The following CRCP variants were observed in gnomAD, a reference collection of about 807,000 sequenced individuals.
The protein encoded by CRCP is DNA-directed RNA polymerase III subunit RPC9.
CRCP carries 18 observed loss-of-function variants against 18.5 expected under a neutral mutation model. The observed-to-expected ratio is 0.97, with a 90% CI of 0.67 to 1.44. CRCP has a LOEUF of 1.44. CRCP is among the 40% of genes most tolerant of loss of function. CRCP has a pLI of 0.00. For synonymous variants in CRCP, 53 were observed against 62.9 expected (o/e 0.84, Z 0.75); for missense variants, 130 against 176.4 (o/e 0.74, Z 1.49).
intron 1 of CRCP, 56 bp from the exon 2 acceptor site, chr7:66,127,648 G>T: frequency 1.3e-6 from 2 of 1,593,356 alleles, no homozygotes; most frequent in Non-Finnish European, 1.7e-6. Context: ...TACAGAATTT[G>T]ATACCCAGAA....
intron 1 of CRCP, among the ~76,000 whole-genome samples, chr7:66,117,029 G>T (rs1787286902): frequency 6.6e-6 from 1 of 151,076 alleles, no homozygotes. Flanking sequence ...GCTGAGGCAG[G>T]AGAATCGCTT....
chr7:66,115,101 C>T (rs1373668897), intron 1 of CRCP, 131 bp downstream of exon 1: 2 of 1,325,362 alleles, frequency 1.5e-6, no homozygotes, highest in Non-Finnish European at 2.1e-6. Flanking sequence ...CGGCCCTGTC[C>T]GGGAGGGCCG....
intron 1 of CRCP, among the ~76,000 whole-genome samples, chr7:66,121,924 A>G (rs1383161405): frequency 2.0e-5 from 3 of 152,346 alleles, no homozygotes; most frequent in African/African-American, 4.8e-5. Flanking sequence ...AGAGAATGCT[A>G]CAAGTTAAGT....
At position 66,148,849 on chromosome 7, in the gene CRCP, TG is replaced by T. The variant is rs531385948; in HGVS notation, c.297+3350del. Reference sequence around the variant, plus strand: ...AACACTGTTACATGTGTTCTCCTTTTGTCCTCGCTGTAGGCGTTACTTTCAT... The same window carrying T: ...AACACTGTTACATGTGTTCTCCTTTTTCCTCGCTGTAGGCGTTACTTTCAT... On this transcript the variant is annotated intron_variant, in intron 5 of 5. Coordinates refer to ENST00000395326, the MANE Select transcript of CRCP (RefSeq NM_014478.5). 4.6e-5 allele frequency among the ~76,000 whole-genome samples: 7 copies of T among 152,384 alleles called. No homozygotes were observed. In the South Asian group the frequency reaches 1.4e-3, roughly 32 times the overall value.
intron 3 of CRCP, among the ~76,000 whole-genome samples, chr7:66,132,623 A>G (rs1418013596): frequency 6.6e-6 from 1 of 152,166 alleles, no homozygotes; most frequent in Non-Finnish European, 1.5e-5. Flanking sequence ...ACATTATGTT[A>G]GAAAGGATTT....
intron 5 of CRCP, among the ~76,000 whole-genome samples, chr7:66,149,610 T>A (rs1182709674): frequency 6.6e-6 from 1 of 152,230 alleles, no homozygotes; most frequent in East Asian, 1.9e-4. Flanking sequence ...CCGGAGCTTT[T>A]ATCAACATCC....
chr7:66,124,956 G>T lies in CRCP; in HGVS notation c.9-2748G>T, dbSNP rs143080521. 7.8e-3 allele frequency among the ~76,000 whole-genome samples: 1,159 copies of T among 149,404 alleles called. 44 individuals carry two copies. Among genetic ancestry groups the T allele is most frequent in the African/African-American group, 0.026 (1,088 of 41,360 alleles). ...AGGATCCAGTGAAGAACTACACATTGCATTTAGTTGTCATGTTTCTTTAAT... is the reference window on the plus strand; with the variant it reads ...AGGATCCAGTGAAGAACTACACATTTCATTTAGTTGTCATGTTTCTTTAAT... On this transcript the variant is annotated intron_variant, in intron 1 of 5. Transcript: ENST00000395326.
intron 5 of CRCP, among the ~76,000 whole-genome samples, chr7:66,146,142 C>T (rs1225438009): frequency 6.6e-6 from 1 of 152,178 alleles, no homozygotes. Flanking sequence ...TCCCCAAGTC[C>T]ATCTCCCACA....
At chr7:66,152,163 G>GTAAGTT in intron 5 of CRCP, 45 bp from the exon 6 acceptor site, 1 of 1,610,856 alleles carries the variant, frequency 6.2e-7, no homozygotes, top group Non-Finnish European at 8.5e-7. Flanking sequence ...GCCCAAGGCT[G>GTAAGTT]TAAGTTTCAT....
intron 2 of CRCP, among the ~76,000 whole-genome samples, chr7:66,128,301 A>C (rs1787677318): frequency 1.3e-5 from 2 of 152,164 alleles, no homozygotes; most frequent in Admixed American, 6.6e-5. Context: ...AACCTTCTCT[A>C]AATCTCAACG....
intron 2 of CRCP, among the ~76,000 whole-genome samples, chr7:66,128,474 A>C (rs1015170502): frequency 2.0e-5 from 3 of 152,194 alleles, no homozygotes; most frequent in Non-Finnish European, 2.9e-5. Flanking sequence ...AAATAGTCTT[A>C]TGGGTATTAA....
intron 1 of CRCP, among the ~76,000 whole-genome samples, chr7:66,122,655 C>T (rs916676372): frequency 3.3e-5 from 5 of 151,460 alleles, no homozygotes; most frequent in African/African-American, 1.2e-4. Context: ...TTTTTTTACT[C>T]AAGCATTGCT....
chr7:66,122,374 C>CA (rs939428601), intron 1 of CRCP, among the ~76,000 whole-genome samples: 1,817 of 57,118 alleles, frequency 0.032, 51 homozygotes, highest in African/African-American at 0.069. Context: ...GACTCCGTCT[C>CA]AAAAAAAAAA....
At position 66,127,690 on chromosome 7, in the gene CRCP, C is replaced by G. The variant is rs750096649; in HGVS notation, c.9-14C>G. 6.8e-6 allele frequency: 11 copies of G among 1,614,072 alleles called. No individual in the cohort carries two copies. The South Asian group carries it at 1.1e-4, about 16-fold the overall frequency. ...GTGAGCCCAGACTGATGATAGCTTA[C>G]TTTTCTTTTTCAGGAAGGATGCCAA... On this transcript the variant is annotated splice_polypyrimidine_tract_variant and intron_variant, in intron 1 of 5. Transcript: ENST00000395326.
At chr7:66,147,953 A>G (rs1444375579) in intron 5 of CRCP, among the ~76,000 whole-genome samples, 1 of 152,084 alleles carries the variant, frequency 6.6e-6, no homozygotes, top group East Asian at 1.9e-4. Context: ...CCAGCTACTC[A>G]GGAGACTAAG....
chr7:66,145,568 A>G, intron 5 of CRCP, 68 bp downstream of exon 5: 1 of 1,554,626 alleles, frequency 6.4e-7, no homozygotes, highest in South Asian at 1.1e-5. Context: ...TGTGGTGGAC[A>G]AGCCAGGAAC....
chr7:66,135,847 G>A (rs1787956405), intron 4 of CRCP, among the ~76,000 whole-genome samples: 1 of 152,082 alleles, frequency 6.6e-6, no homozygotes, highest in South Asian at 2.1e-4. Context: ...CTTGAACCTG[G>A]GAGACGGAGG....
rs1157615983 is a variant in CRCP at position 66,125,721 on chromosome 7, G to A, written c.9-1983G>A. ...TGGCCAAGGACAAATTTCCCACGAC[G>A]TGGAATATTCTGAATGACAGAGAAG... On this transcript the variant is annotated intron_variant, in intron 1 of 5. Coordinates refer to ENST00000395326, the MANE Select transcript of CRCP (RefSeq NM_014478.5). Among the ~76,000 whole-genome samples the A allele has an allele frequency of 3.3e-5, 5 of 149,472 alleles. No individual in the cohort carries two copies. In the South Asian group the frequency reaches 8.6e-4, roughly 26 times the overall value.
At chr7:66,131,014 G>A (rs1379858250) in intron 3 of CRCP, among the ~76,000 whole-genome samples, 172 bp downstream of exon 3, 2 of 151,978 alleles carry the variant, frequency 1.3e-5, no homozygotes, top group African/African-American at 2.4e-5. Context: ...TCGCTCTGTC[G>A]CCCAGGCTGG....
Sources: gnomAD v4.1 joint callset for allele counts (sites outside exome capture counted in the v4.1 genomes callset) on GRCh38, gnomAD v4.1.1 for gene constraint, MANE v1.5 for transcripts, NCBI Gene and HGNC (gene_info 2026-07-23, HGNC 2026-07-21) for gene names.